Variants in ACOXL observed in about 807,000 individuals in gnomAD.
ACOXL encodes the protein acyl-CoA oxidase like.
A neutral mutation model predicts 71.9 loss-of-function variants in ACOXL; 70 were observed. That is an observed-to-expected ratio of 0.97 (90% CI 0.80 to 1.19). The LOEUF (loss-of-function observed/expected upper bound fraction) is 1.19, where lower values mean the gene tolerates loss of function less well. ACOXL is among the 50% of genes most tolerant of loss of function. ACOXL has a pLI of 0.00. For synonymous variants in ACOXL, 253 were observed against 281.6 expected (o/e 0.90, Z 1.02); for missense variants, 703 against 736.3 (o/e 0.95, Z 0.52).
intron 3 of ACOXL, among the ~76,000 whole-genome samples, chr2:110,792,128 C>A (rs1684724352): frequency 6.6e-6 from 1 of 152,204 alleles, no homozygotes; most frequent in African/African-American, 2.4e-5. Flanking sequence ...ACACCCAGAT[C>A]ATGAATCCAT....
chr2:110,873,647 A>G (rs1022282253), intron 10 of ACOXL, among the ~76,000 whole-genome samples: 1 of 152,128 alleles, frequency 6.6e-6, no homozygotes, highest in Non-Finnish European at 1.5e-5. Context: ...GAGTAGAGCC[A>G]GGGGAGGCTG....
chr2:110,785,357 T>C (rs113938613), intron 3 of ACOXL, among the ~76,000 whole-genome samples: 1 of 147,136 alleles, frequency 6.8e-6, no homozygotes, highest in Non-Finnish European at 1.5e-5. Context: ...CACGAGTTTT[T>C]ACATGCACTC....
intron 9 of ACOXL, among the ~76,000 whole-genome samples, chr2:110,822,143 C>T (rs1309059169): frequency 5.9e-5 from 9 of 152,074 alleles, no homozygotes; most frequent in East Asian, 3.9e-4. Flanking sequence ...GTGTTTCCTT[C>T]GTGGCTGGGA....
intron 16 of ACOXL, among the ~76,000 whole-genome samples, chr2:111,068,134 C>T (rs959287656): frequency 2.0e-5 from 3 of 152,202 alleles, no homozygotes; most frequent in Admixed American, 6.5e-5. Flanking sequence ...TCCTCCCAGG[C>T]CATCCGGGAT....
chr2:111,088,946 T>C (rs976818858), intron 16 of ACOXL, among the ~76,000 whole-genome samples: 1 of 152,178 alleles, frequency 6.6e-6, no homozygotes, highest in African/African-American at 2.4e-5. Context: ...TAAGTAAGGA[T>C]TAATTAAGTA....
At chr2:110,854,663 G>C (rs1693028805) in intron 10 of ACOXL, among the ~76,000 whole-genome samples, 1 of 152,228 alleles carries the variant, frequency 6.6e-6, no homozygotes, top group African/African-American at 2.4e-5. Flanking sequence ...GAGACTTCAG[G>C]TGCAGGGATG....
chr2:110,760,241 G>A (rs1322047305), intron 1 of ACOXL, among the ~76,000 whole-genome samples: 2 of 151,474 alleles, frequency 1.3e-5, no homozygotes, highest in Non-Finnish European at 2.9e-5. Context: ...TTGGGTTCAC[G>A]CCATTCTCCT....
intron 11 of ACOXL, among the ~76,000 whole-genome samples, chr2:110,918,188 A>G (rs973855478): frequency 6.6e-6 from 1 of 152,224 alleles, no homozygotes; most frequent in Non-Finnish European, 1.5e-5. Context: ...CCAAAATAGC[A>G]TGGTACTGGT....
chr2:110,936,955 C>T (rs2060687655), intron 12 of ACOXL, among the ~76,000 whole-genome samples: 1 of 151,798 alleles, frequency 6.6e-6, no homozygotes, highest in Admixed American at 6.6e-5. Flanking sequence ...TCAAGCAATT[C>T]TCCTCCCTCA....
chr2:110,918,329 A>G (rs552565664), intron 11 of ACOXL, among the ~76,000 whole-genome samples: 6 of 152,342 alleles, frequency 3.9e-5, no homozygotes, highest in African/African-American at 1.4e-4. Flanking sequence ...TGTTTAATAA[A>G]TGGTGTTGGG....
chr2:110,923,649 T>G (rs1240035058), intron 11 of ACOXL, among the ~76,000 whole-genome samples: 3 of 152,128 alleles, frequency 2.0e-5, no homozygotes, highest in Non-Finnish European at 2.9e-5. Flanking sequence ...AAACAGAGCA[T>G]GAGGCCTGGT....
chr2:111,047,583 G>A (rs991446173), intron 15 of ACOXL, among the ~76,000 whole-genome samples: 1 of 152,170 alleles, frequency 6.6e-6, no homozygotes, highest in African/African-American at 2.4e-5. Flanking sequence ...AGGGAGAGAG[G>A]TCTTGCCTCC....
chr2:110,782,208 A>G (rs1458830603), intron 2 of ACOXL, among the ~76,000 whole-genome samples: 2 of 152,218 alleles, frequency 1.3e-5, no homozygotes, highest in Non-Finnish European at 2.9e-5. Flanking sequence ...CTGCAATTCT[A>G]CTGCTGCAAT....
At chr2:111,109,201 G>T (rs1471001770) in intron 17 of ACOXL, among the ~76,000 whole-genome samples, 1 of 152,100 alleles carries the variant, frequency 6.6e-6, no homozygotes, top group Non-Finnish European at 1.5e-5. Flanking sequence ...CATTAACACA[G>T]TTTGTATTGA....
Position 110,821,980 on chromosome 2 carries a change from C to T in ACOXL, c.753+16585C>T, listed in dbSNP as rs543612782. Among the ~76,000 whole-genome samples, 9 of 151,246 alleles carry T rather than the reference C, an allele frequency of 6.0e-5. No homozygotes were observed. The South Asian group carries it at 6.3e-4, about 11-fold the overall frequency. ...GAGTGTGTGTGTGAGTGTGTGCGTGCGTGTGTGTATGTGCATGTATACATG... is the reference window on the plus strand; with the variant it reads ...GAGTGTGTGTGTGAGTGTGTGCGTGTGTGTGTGTATGTGCATGTATACATG... On this transcript the variant is annotated intron_variant, in intron 9 of 17. Coordinates refer to ENST00000439055, the MANE Select transcript of ACOXL (RefSeq NM_001142807.4).
At chr2:110,894,994 A>G (rs1359792649) in intron 10 of ACOXL, among the ~76,000 whole-genome samples, 1 of 152,226 alleles carries the variant, frequency 6.6e-6, no homozygotes, top group Non-Finnish European at 1.5e-5. Flanking sequence ...GAAAATATAC[A>G]GTTTCAAATG....
intron 1 of ACOXL, among the ~76,000 whole-genome samples, chr2:110,748,999 A>G (rs1040096083): frequency 6.6e-6 from 1 of 152,254 alleles, no homozygotes; most frequent in African/African-American, 2.4e-5. Flanking sequence ...AAGCAGGAGC[A>G]TGCTGTGAAA....
At chr2:110,949,152 A>G (rs1237409142) in intron 12 of ACOXL, among the ~76,000 whole-genome samples, 1 of 152,218 alleles carries the variant, frequency 6.6e-6, no homozygotes, top group African/African-American at 2.4e-5. Context: ...GAGCTTCACC[A>G]TAATGCCAAG....
At chr2:110,964,558 A>C (rs1387791677) in intron 12 of ACOXL, among the ~76,000 whole-genome samples, 3 of 152,230 alleles carry the variant, frequency 2.0e-5, no homozygotes, top group Non-Finnish European at 1.5e-5. Flanking sequence ...GCACTCACAC[A>C]AACCAAGATG....
Sources: gnomAD v4.1 joint callset for allele counts (sites outside exome capture counted in the v4.1 genomes callset) on GRCh38, gnomAD v4.1.1 for gene constraint, MANE v1.5 for transcripts, NCBI Gene and HGNC (gene_info 2026-07-23, HGNC 2026-07-21) for gene names.